ZMAT4: variants seen among roughly 807,000 people sequenced by gnomAD.
The protein encoded by ZMAT4 is zinc finger matrin-type protein 4.
In ZMAT4, 17 loss-of-function variants were observed where a neutral mutation model predicts 28.7. The ratio of observed to expected loss-of-function variants is 0.59; its 90% CI spans 0.41 to 0.89. ZMAT4 has a LOEUF of 0.89. ZMAT4 is among the 40% of genes least tolerant of loss of function. The pLI, the probability that ZMAT4 is intolerant of heterozygous loss-of-function variation, is 0.00. For synonymous variants in ZMAT4, 117 were observed against 109.2 expected (o/e 1.07, Z -0.44); for missense variants, 240 against 283.8 (o/e 0.85, Z 1.11).
intron 6 of ZMAT4, among the ~76,000 whole-genome samples, chr8:40,570,370 C>T (rs74847046): frequency 0.11 from 16,550 of 152,130 alleles, 1,158 homozygotes; most frequent in Admixed American, 0.2. Flanking sequence ...GTGCATAGCA[C>T]TGTATTCAAC....
rs765132484 is a variant in ZMAT4 at position 40,606,655 on chromosome 8, C to T, written c.578-25394G>A. ...TTTAGATAACCTGATGACTATGTGC[C>T]TAAGTGATTATCTTTTTGCAGTGAA... is the stretch of plus-strand genomic sequence containing the variant. On this transcript the variant is annotated intron_variant, in intron 5 of 6. Coordinates refer to ENST00000297737, the MANE Select transcript of ZMAT4 (RefSeq NM_024645.3). Among the ~76,000 whole-genome samples, 16 of 152,276 alleles carry T rather than the reference C, an allele frequency of 1.1e-4. 1 individual carries two copies. Among genetic ancestry groups the T allele is most frequent in the Middle Eastern group, 3.4e-3 (1 of 294 alleles).
intron 5 of ZMAT4, among the ~76,000 whole-genome samples, chr8:40,620,744 G>A (rs986707641): frequency 2.0e-5 from 3 of 152,128 alleles, no homozygotes; most frequent in African/African-American, 7.2e-5. Context: ...GCCCTGGTAG[G>A]TTGTAATTCT....
intron 3 of ZMAT4, among the ~76,000 whole-genome samples, chr8:40,743,374 G>A (rs999032509): frequency 6.6e-6 from 1 of 152,170 alleles, no homozygotes; most frequent in South Asian, 2.1e-4. Context: ...TCAAGAAATC[G>A]GGAGGAGCCC....
At chr8:40,612,154 GC>G (rs1023592513) in intron 5 of ZMAT4, among the ~76,000 whole-genome samples, 2 of 152,148 alleles carry the variant, frequency 1.3e-5, no homozygotes, top group African/African-American at 4.8e-5. Flanking sequence ...AACAAAGGAG[GC>G]CATGTACATA....
chr8:40,780,298 C>T (rs1284559406), intron 2 of ZMAT4, among the ~76,000 whole-genome samples: 1 of 152,168 alleles, frequency 6.6e-6, no homozygotes. Flanking sequence ...AATCATCTAC[C>T]ACAAAGCCTG....
chr8:40,607,381 C>T (rs753832650), intron 5 of ZMAT4, among the ~76,000 whole-genome samples: 8 of 152,066 alleles, frequency 5.3e-5, no homozygotes, highest in Non-Finnish European at 1.0e-4. Flanking sequence ...TCTGCCCACT[C>T]AGCCTCCCAA....
At chr8:40,586,309 C>T (rs977105799) in intron 5 of ZMAT4, among the ~76,000 whole-genome samples, 1 of 152,142 alleles carries the variant, frequency 6.6e-6, no homozygotes, top group African/African-American at 2.4e-5. Flanking sequence ...CAGCGCAACA[C>T]CATATTAAGA....
At chr8:40,820,261 GGT>G (rs1422009423) in intron 2 of ZMAT4, among the ~76,000 whole-genome samples, 1 of 145,944 alleles carries the variant, frequency 6.9e-6, no homozygotes, top group Non-Finnish European at 1.5e-5. Flanking sequence ...TGTGAGTATT[GGT>G]GTGTGTCTGT....
chr8:40,746,445 C>T (rs1028820077), intron 3 of ZMAT4, among the ~76,000 whole-genome samples: 8 of 151,058 alleles, frequency 5.3e-5, no homozygotes, highest in Non-Finnish European at 8.8e-5. Context: ...CTCACTGCAA[C>T]CTCTGCCTCC....
chr8:40,649,376 T>A (rs2118805950), intron 5 of ZMAT4, among the ~76,000 whole-genome samples: 1 of 152,316 alleles, frequency 6.6e-6, no homozygotes, highest in East Asian at 1.9e-4. Context: ...AAGAGCTAAC[T>A]ATCATAAATA....
intron 5 of ZMAT4, among the ~76,000 whole-genome samples, chr8:40,667,138 TTTTTTTTTA>T (rs1469444050): frequency 6.8e-6 from 1 of 146,040 alleles, no homozygotes; most frequent in Non-Finnish European, 1.5e-5. Flanking sequence ...AATAATTTCT[TTTTTTTTTA>T]TTTTTTTTAT....
chr8:40,711,556 T>C (rs1250901591), intron 3 of ZMAT4, among the ~76,000 whole-genome samples: 2 of 152,162 alleles, frequency 1.3e-5, no homozygotes, highest in Non-Finnish European at 2.9e-5. Flanking sequence ...AAGTACACAA[T>C]CAGCAAAACC....
At chr8:40,649,160 G>A (rs998627017) in intron 5 of ZMAT4, among the ~76,000 whole-genome samples, 10 of 152,012 alleles carry the variant, frequency 6.6e-5, no homozygotes, top group Non-Finnish European at 1.5e-4. Flanking sequence ...ACCCATCAGT[G>A]TGCTGTATTC....
intron 3 of ZMAT4, 30 bp downstream of exon 3, chr8:40,767,611 T>C: frequency 1.3e-6 from 2 of 1,587,606 alleles, no homozygotes; most frequent in Non-Finnish European, 1.7e-6. Context: ...ACAAATCATC[T>C]GAGGATATCA....
chr8:40,652,096 C>T (rs1807691213), intron 5 of ZMAT4, among the ~76,000 whole-genome samples: 1 of 95,950 alleles, frequency 1.0e-5, no homozygotes, highest in South Asian at 4.2e-4. Flanking sequence ...TCTAATTAAA[C>T]TAAAGAGCTT....
chr8:40,840,566 C>T (rs1586149257), intron 1 of ZMAT4, among the ~76,000 whole-genome samples: 1 of 152,160 alleles, frequency 6.6e-6, no homozygotes, highest in African/African-American at 2.4e-5. Flanking sequence ...TACTGTGGAC[C>T]TCACCTCATT....
At chr8:40,861,671 C>G (rs1015754563) in intron 1 of ZMAT4, among the ~76,000 whole-genome samples, 2 of 152,200 alleles carry the variant, frequency 1.3e-5, no homozygotes, top group African/African-American at 2.4e-5. Context: ...ATCTACTCAT[C>G]TGACAAAGAG....
chr8:40,838,680 G>A (rs1290719916), intron 1 of ZMAT4, among the ~76,000 whole-genome samples: 1 of 152,116 alleles, frequency 6.6e-6, no homozygotes, highest in East Asian at 1.9e-4. Flanking sequence ...CTCAGTCAAT[G>A]CCACCAGCCC....
At chr8:40,678,355 G>T (rs1005559368) in intron 4 of ZMAT4, among the ~76,000 whole-genome samples, 2 of 152,108 alleles carry the variant, frequency 1.3e-5, no homozygotes, top group African/African-American at 2.4e-5. Context: ...ATTAATATTG[G>T]TAAAGTTAGA....
Sources: allele counts gnomAD v4.1 joint callset (sites outside exome capture counted in the v4.1 genomes callset), GRCh38; gene constraint gnomAD v4.1.1; transcripts MANE v1.5; gene names NCBI Gene and HGNC (gene_info 2026-07-23, HGNC 2026-07-21).